Variants in CSMD2 observed in about 807,000 individuals in gnomAD.
CSMD2 encodes CUB and Sushi multiple domains 2.
In CSMD2, 130 loss-of-function variants were observed where a neutral mutation model predicts 398.5. The ratio of observed to expected loss-of-function variants is 0.33; its 90% CI spans 0.28 to 0.38. The LOEUF (loss-of-function observed/expected upper bound fraction) is 0.38, where lower values mean the gene tolerates loss of function less well. Ranked by LOEUF, CSMD2 falls within the 10% of genes least tolerant of loss-of-function variation. The pLI is 1.00. For synonymous variants in CSMD2, 1,828 were observed against 1,908.5 expected (o/e 0.96, Z 1.10); for missense variants, 3,829 against 4,764.9 (o/e 0.80, Z 5.78).
intron 3 of CSMD2, among the ~76,000 whole-genome samples, chr1:33,950,792 A>G (rs1045595003): frequency 6.6e-6 from 1 of 152,216 alleles, no homozygotes; most frequent in Non-Finnish European, 1.5e-5. Flanking sequence ...GGCACAGGTC[A>G]TATGCATAGA....
intron 55 of CSMD2, among the ~76,000 whole-genome samples, chr1:33,551,937 C>A (rs761984696): frequency 2.0e-5 from 3 of 152,224 alleles, no homozygotes; most frequent in Admixed American, 2.0e-4. Flanking sequence ...GGGGAGGGAC[C>A]ATGGACAATC....
rs1427131222 is a variant in CSMD2, at chr1:34,163,864, G to A, written c.187+1047C>T. Among the ~76,000 whole-genome samples the A allele has an allele frequency of 6.6e-6, 1 of 152,122 alleles. No individual in the cohort carries two copies. Among genetic ancestry groups the A allele is most frequent in the African/African-American group, 2.4e-5 (1 of 41,438 alleles). On this transcript the variant is annotated intron_variant, in intron 1 of 70. Coordinates refer to ENST00000373381, the MANE Select transcript of CSMD2 (RefSeq NM_001281956.2). This position sits in a 1 kb window ranked among gnomAD's most constrained non-coding sequence, Gnocchi z 5.4. Reference sequence around the variant, plus strand: ...AGCTTGTAGCTAGAACTGAGCTTCGGAGGGGTGCTGTGGGTAAAGCGGGAG... The same window carrying A: ...AGCTTGTAGCTAGAACTGAGCTTCGAAGGGGTGCTGTGGGTAAAGCGGGAG...
At chr1:33,604,197 T>G (rs961438581) in intron 42 of CSMD2, among the ~76,000 whole-genome samples, 1 of 152,066 alleles carries the variant, frequency 6.6e-6, no homozygotes, top group Non-Finnish European at 1.5e-5. Context: ...AAACAAGGTG[T>G]GAGAATGGAA....
In CSMD2 at chr1:33,664,262, G is replaced by A. The variant is rs561340680; in HGVS notation, c.4053-1170C>T. ...TTCCAGAGTTTTTTTCAATGAGCAC[G>A]CAAATATATTGTTCCCTCAAAATGA... On this transcript the variant is annotated intron_variant, in intron 25 of 70. Coordinates refer to ENST00000373381, the MANE Select transcript of CSMD2 (RefSeq NM_001281956.2). Among the ~76,000 whole-genome samples, 22 of 151,976 alleles carry A rather than the reference G, an allele frequency of 1.4e-4. No individual in the cohort carries two copies. In the South Asian group the frequency reaches 4.4e-3, roughly 30 times the overall value.
At chr1:33,590,033 G>T (rs1433369778) in intron 44 of CSMD2, among the ~76,000 whole-genome samples, 1 of 151,810 alleles carries the variant, frequency 6.6e-6, no homozygotes, top group East Asian at 1.9e-4. Context: ...AAAAAAAAAT[G>T]AATAAAAACA....
intron 1 of CSMD2, among the ~76,000 whole-genome samples, chr1:34,141,314 A>G (rs1346597223): frequency 6.6e-6 from 1 of 152,210 alleles, no homozygotes; most frequent in East Asian, 1.9e-4. Context: ...ACCACAGAGA[A>G]CAAGATAGAC....
intron 37 of CSMD2, among the ~76,000 whole-genome samples, chr1:33,618,657 T>G (rs1487624513): frequency 6.6e-6 from 1 of 151,918 alleles, no homozygotes; most frequent in Non-Finnish European, 1.5e-5. Context: ...TTTCTGCCAG[T>G]CCATACCATC....
chr1:33,753,453 A>T (rs1648544801), intron 13 of CSMD2, among the ~76,000 whole-genome samples: 1 of 152,238 alleles, frequency 6.6e-6, no homozygotes, highest in Non-Finnish European at 1.5e-5. Context: ...ATGCGATATT[A>T]AGCCTGTGGG....
intron 21 of CSMD2, among the ~76,000 whole-genome samples, chr1:33,713,671 T>C (rs980518034): frequency 1.3e-5 from 2 of 152,132 alleles, no homozygotes; most frequent in Non-Finnish European, 2.9e-5. Flanking sequence ...CAGCTGCCTC[T>C]AACCTCCACA....
intron 13 of CSMD2, among the ~76,000 whole-genome samples, chr1:33,763,772 T>C (rs919741725): frequency 6.6e-6 from 1 of 152,200 alleles, no homozygotes; most frequent in Non-Finnish European, 1.5e-5. Flanking sequence ...TTTGGGAAGT[T>C]CTAGTCCTAC....
intron 2 of CSMD2, among the ~76,000 whole-genome samples, chr1:34,081,951 T>C (rs1460680239): frequency 2.0e-5 from 3 of 150,216 alleles, no homozygotes; most frequent in Middle Eastern, 3.2e-3. Context: ...GTCTAGGAAG[T>C]GAGGAGCGTC....
At chr1:33,986,826 C>T (rs951444725) in intron 3 of CSMD2, among the ~76,000 whole-genome samples, 6 of 152,202 alleles carry the variant, frequency 3.9e-5, no homozygotes, top group African/African-American at 1.4e-4. Context: ...TCCAGGGCTC[C>T]TTTCCTCCTC....
intron 10 of CSMD2, among the ~76,000 whole-genome samples, chr1:33,792,747 C>T (rs968333018): frequency 4.6e-5 from 7 of 152,222 alleles, no homozygotes; most frequent in African/African-American, 1.7e-4. Context: ...TGAAGATGTT[C>T]ATAGCACATC....
At chr1:33,911,035 A>G (rs1643419275) in intron 5 of CSMD2, among the ~76,000 whole-genome samples, 1 of 152,214 alleles carries the variant, frequency 6.6e-6, no homozygotes, top group Non-Finnish European at 1.5e-5. Context: ...GCATTTAATT[A>G]TATTCTGCCT....
At chr1:33,632,749 T>C (rs1409980692) in intron 32 of CSMD2, among the ~76,000 whole-genome samples, 1 of 152,180 alleles carries the variant, frequency 6.6e-6, no homozygotes, top group African/African-American at 2.4e-5. Flanking sequence ...TTCTAGATAT[T>C]CTAAAGTAAC....
intron 4 of CSMD2, among the ~76,000 whole-genome samples, chr1:33,934,761 C>T (rs1462039978): frequency 6.6e-6 from 1 of 150,404 alleles, no homozygotes; most frequent in African/African-American, 2.4e-5. Context: ...TTTGGGATGC[C>T]AAGGCCGGAG....
intron 67 of CSMD2, among the ~76,000 whole-genome samples, chr1:33,522,964 T>A (rs1456209371): frequency 1.3e-5 from 2 of 152,240 alleles, no homozygotes; most frequent in Non-Finnish European, 2.9e-5. Flanking sequence ...TGAGACTCAC[T>A]GCCTTCTTCC....
At chr1:33,929,439 T>C (rs1001808836) in intron 4 of CSMD2, among the ~76,000 whole-genome samples, 18 of 144,134 alleles carry the variant, frequency 1.2e-4, no homozygotes, top group Non-Finnish European at 1.7e-4. Flanking sequence ...ATACTTTTTT[T>C]TTTTTTTTTT....
intron 3 of CSMD2, among the ~76,000 whole-genome samples, chr1:33,992,264 C>A (rs555585320): frequency 6.6e-6 from 1 of 152,264 alleles, no homozygotes; most frequent in Admixed American, 6.5e-5. Context: ...GATGATGGTA[C>A]TCATGACAGT....
Sources: allele counts gnomAD v4.1 joint callset (sites outside exome capture counted in the v4.1 genomes callset), GRCh38; gene constraint gnomAD v4.1.1; non-coding constraint Gnocchi (gnomAD v3.1); transcripts MANE v1.5; gene names NCBI Gene and HGNC (gene_info 2026-07-23, HGNC 2026-07-21).